The following RAPGEF5 variants were observed in gnomAD, a reference collection of about 807,000 sequenced individuals.
RAPGEF5 encodes the protein M-Ras-regulated GEF.
RAPGEF5 carries 65 observed loss-of-function variants against 125.2 expected under a neutral mutation model. The observed-to-expected ratio is 0.52, with a 90% CI of 0.43 to 0.64. RAPGEF5 has a LOEUF of 0.64. Ranked by LOEUF, RAPGEF5 falls within the 30% of genes least tolerant of loss-of-function variation. The pLI, the probability that RAPGEF5 is intolerant of heterozygous loss-of-function variation, is 0.00. For missense variants in RAPGEF5, 958 were observed against 1,048.1 expected, an observed-to-expected ratio of 0.91 and a Z score of 1.19; for synonymous variants, 391 against 385.9, an observed-to-expected ratio of 1.01 and a Z score of -0.16.
intron 1 of RAPGEF5, among the ~76,000 whole-genome samples, chr7:22,338,199 T>G (rs536104194): frequency 1.3e-5 from 2 of 152,274 alleles, no homozygotes; most frequent in East Asian, 3.9e-4. Flanking sequence ...TTTCTTAGAG[T>G]TACAACCCAA....
intron 9 of RAPGEF5, among the ~76,000 whole-genome samples, chr7:22,197,599 T>A (rs1785176073): frequency 6.6e-6 from 1 of 152,176 alleles, no homozygotes; most frequent in Non-Finnish European, 1.5e-5. Context: ...TTCAGTTTGA[T>A]CTTGTTGGCC....
At chr7:22,150,338 G>A in intron 18 of RAPGEF5, 69 bp downstream of exon 18, 2 of 1,489,090 alleles carry the variant, frequency 1.3e-6, no homozygotes, top group Non-Finnish European at 9.1e-7. Flanking sequence ...CTCCCAAAGT[G>A]CTCAGATTAC....
intron 1 of RAPGEF5, among the ~76,000 whole-genome samples, chr7:22,352,308 C>CTT (rs1784345166): frequency 6.6e-6 from 1 of 151,494 alleles, no homozygotes; most frequent in African/African-American, 2.4e-5. Flanking sequence ...ATGAGAAAGA[C>CTT]TTAAAAAGAT....
rs1489359165 is a variant in RAPGEF5, at chr7:22,146,944, G to C, written c.1960C>G (p.Leu654Val). The C allele has an allele frequency of 6.2e-7, 1 of 1,613,542 alleles. No individual in the cohort carries two copies. The highest frequency in any genetic ancestry group is 1.3e-5 in the African/African-American group (1 of 74,894). ...ILGMNTWDLA[L>V]ELMNFDWSLF... ...CTCCAATCAAAATTCATTAATTCCA[G>C]AGCAAGATCCCAAGTGTTCATTCCC... is the stretch of plus-strand genomic sequence containing the variant. Residue 654 changes from leucine to valine, a missense_variant, in exon 19 of 26, where the codon CTG (leucine) becomes GTG (valine). By Grantham distance (32) the Leu-to-Val change is conservative (BLOSUM62 1). Transcript: ENST00000665637.
At chr7:22,193,802 G>C (rs1347678002) in intron 10 of RAPGEF5, 113 bp downstream of exon 10, 1 of 1,609,354 alleles carries the variant, frequency 6.2e-7, no homozygotes, top group Non-Finnish European at 8.5e-7. Flanking sequence ...AGAAAAGAGA[G>C]GGAGGGAGGG....
At chr7:22,151,608 G>A (rs1360539326) in intron 17 of RAPGEF5, among the ~76,000 whole-genome samples, 2 of 151,852 alleles carry the variant, frequency 1.3e-5, no homozygotes, top group East Asian at 1.9e-4. Context: ...GAGATTACAG[G>A]TGCCTGCTAC....
intron 11 of RAPGEF5, among the ~76,000 whole-genome samples, chr7:22,169,161 A>G (rs983257624): frequency 6.6e-6 from 1 of 152,182 alleles, no homozygotes; most frequent in African/African-American, 2.4e-5. Flanking sequence ...CTGATCCAAC[A>G]ATGTCACATG....
At chr7:22,232,949 G>A (rs1786095930) in intron 7 of RAPGEF5, among the ~76,000 whole-genome samples, 1 of 152,212 alleles carries the variant, frequency 6.6e-6, no homozygotes, top group African/African-American at 2.4e-5. Flanking sequence ...TAAAGGCAAG[G>A]TAGGAAGAGG....
intron 7 of RAPGEF5, among the ~76,000 whole-genome samples, chr7:22,264,920 G>C (rs935209189): frequency 6.6e-6 from 1 of 152,116 alleles, no homozygotes; most frequent in Non-Finnish European, 1.5e-5. Flanking sequence ...ATCATGACGA[G>C]AATCAAGATC....
intron 17 of RAPGEF5, among the ~76,000 whole-genome samples, chr7:22,152,902 T>C (rs566268118): frequency 4.6e-5 from 7 of 152,328 alleles, no homozygotes; most frequent in Non-Finnish European, 7.3e-5. Context: ...TGTGGGATAA[T>C]TCAAGAGATA....
intron 23 of RAPGEF5, among the ~76,000 whole-genome samples, chr7:22,132,439 A>G (rs1782943437): frequency 6.6e-6 from 1 of 151,910 alleles, no homozygotes; most frequent in Non-Finnish European, 1.5e-5. Context: ...AACTAATTAC[A>G]CAGTCTCCTG....
rs150879609 is a variant in RAPGEF5 at position 22,168,061 on chromosome 7, T to C, written c.1205-913A>G. On this transcript the variant is annotated intron_variant, in intron 11 of 25. Coordinates refer to ENST00000665637, the MANE Select transcript of RAPGEF5 (RefSeq NM_012294.5). ...TCCAGACATCACATTTTTAGTTATA[T>C]AAAACAGTAATAAATTATTAGAGTA... is the stretch of plus-strand genomic sequence containing the variant. Among the ~76,000 whole-genome samples the C allele has an allele frequency of 3.7e-3, 557 of 151,278 alleles. 1 individual carries two copies. The highest frequency in any genetic ancestry group is 6.1e-3 in the Admixed American group (92 of 15,176).
At chr7:22,145,362 T>C (rs1783402671) in intron 19 of RAPGEF5, 140 bp from the exon 20 acceptor site, 2 of 751,780 alleles carry the variant, frequency 2.7e-6, no homozygotes, top group Non-Finnish European at 4.0e-6. Context: ...TGAATAGTAA[T>C]ACATTAAATT....
chr7:22,273,644 A>C (rs1276263683), intron 6 of RAPGEF5, among the ~76,000 whole-genome samples: 1 of 152,248 alleles, frequency 6.6e-6, no homozygotes, highest in Non-Finnish European at 1.5e-5. Flanking sequence ...TCTGAAACTA[A>C]CAAAATGAAC....
rs1423271416 is a variant in RAPGEF5, at chr7:22,145,083, C to T, written c.2147G>A (p.Arg716Gln). 1.9e-6 allele frequency: 3 copies of T among 1,613,692 alleles called. No homozygotes were observed. Among genetic ancestry groups the T allele is most frequent in the East Asian group, 2.2e-5 (1 of 44,874 alleles). ...GATGAATTTTTTCACCAGCTGCACT[C>T]GCTTGCCCAGCTGGCTGCAGAGCAG... ...EILLCSQLGK[R>Q]VQLVKKFIKI... Residue 716 changes from arginine to glutamine, a missense_variant, in exon 20 of 26, where the codon CGA (arginine) becomes CAA (glutamine). Coordinates refer to ENST00000665637, the MANE Select transcript of RAPGEF5 (RefSeq NM_012294.5).
At chr7:22,219,232 G>A (rs1278082548) in intron 9 of RAPGEF5, among the ~76,000 whole-genome samples, 3 of 151,872 alleles carry the variant, frequency 2.0e-5, no homozygotes, top group Non-Finnish European at 2.9e-5. Flanking sequence ...CCAGCATGAC[G>A]GCAGCACTCT....
intron 8 of RAPGEF5, among the ~76,000 whole-genome samples, chr7:22,223,793 T>A (rs1029658957): frequency 7.2e-5 from 11 of 152,142 alleles, no homozygotes; most frequent in South Asian, 4.1e-4. Flanking sequence ...AGGCTTCTAT[T>A]TCCCAGAAAA....
intron 8 of RAPGEF5, among the ~76,000 whole-genome samples, chr7:22,224,107 G>A (rs1449975305): frequency 6.6e-6 from 1 of 152,144 alleles, no homozygotes; most frequent in Non-Finnish European, 1.5e-5. Flanking sequence ...CTGGGCAAGG[G>A]AAGTAGAATA....
chr7:22,241,204 T>C lies in RAPGEF5; in HGVS notation c.797-10285A>G, dbSNP rs148117085. Reference sequence around the variant, plus strand: ...AGACATCTACATTTTAAAACATTTATTGCAACTTTTTGCCACTTATATTAT... The same window carrying C: ...AGACATCTACATTTTAAAACATTTACTGCAACTTTTTGCCACTTATATTAT... On this transcript the variant is annotated intron_variant, in intron 7 of 25. Transcript: ENST00000665637. Among the ~76,000 whole-genome samples the C allele has an allele frequency of 1.9e-3, 297 of 152,376 alleles. 1 individual carries two copies. Among genetic ancestry groups the C allele is most frequent in the Non-Finnish European group, 3.6e-3 (242 of 68,036 alleles).
Sources: gnomAD v4.1 joint callset for allele counts (sites outside exome capture counted in the v4.1 genomes callset) on GRCh38, gnomAD v4.1.1 for gene constraint, MANE v1.5 for transcripts, NCBI Gene and HGNC (gene_info 2026-07-23, HGNC 2026-07-21) for gene names.